The following ADGRL2 variants were observed in gnomAD, a reference collection of about 807,000 sequenced individuals.
ADGRL2 encodes the protein calcium-independent alpha-latrotoxin receptor 2.
Under a neutral mutation model 157.4 loss-of-function variants are expected in ADGRL2, and 44 were observed. The ratio of observed to expected loss-of-function variants is 0.28; its 90% CI spans 0.22 to 0.36. ADGRL2 has a LOEUF of 0.36. Among genes scored for constraint, ADGRL2 ranks in the 10% least tolerant of loss-of-function variants. ADGRL2 has a pLI of 1.00. For missense variants in ADGRL2, 1,510 were observed against 1,768.9 expected (o/e 0.85, Z 2.63); for synonymous variants, 585 against 624.7 (o/e 0.94, Z 0.95).
intron 2 of ADGRL2, among the ~76,000 whole-genome samples, chr1:81,459,345 C>T (rs2077873803): frequency 6.6e-6 from 1 of 152,124 alleles, no homozygotes; most frequent in Non-Finnish European, 1.5e-5. Context: ...TTCCTCCAAA[C>T]CCTGCCAACC....
intron 1 of ADGRL2, among the ~76,000 whole-genome samples, chr1:81,748,042 C>A (rs2085358135): frequency 6.6e-6 from 1 of 152,126 alleles, no homozygotes; most frequent in Admixed American, 6.6e-5. Context: ...GCTTACAAAT[C>A]TATCCTAGAA....
At position 81,432,012 on chromosome 1, in the gene ADGRL2, C is replaced by T. The variant is rs150956529; in HGVS notation, c.-301-13024C>T. ...TGTATTTACCACCCAAAAGTTATTG[C>T]TAATTTTTGTCTACCTCAGAAACAA... is the stretch of plus-strand genomic sequence containing the variant. On this transcript the variant is annotated intron_variant, in intron 1 of 24. Coordinates refer to the ADGRL2 transcript ENST00000370721. 2.4e-4 allele frequency among the ~76,000 whole-genome samples: 36 copies of T among 152,272 alleles called. No individual in the cohort carries two copies. The East Asian group carries it at 6.6e-3, about 28-fold the overall frequency.
intron 11 of ADGRL2, among the ~76,000 whole-genome samples, chr1:81,960,485 C>CT (rs998088320): frequency 6.9e-6 from 1 of 145,794 alleles, no homozygotes; most frequent in African/African-American, 2.5e-5. Context: ...TTTCTTTTTT[C>CT]TTTTTTTGAG....
chr1:81,413,420 A>G (rs2076981999), intron 1 of ADGRL2, among the ~76,000 whole-genome samples: 1 of 152,204 alleles, frequency 6.6e-6, no homozygotes, highest in Non-Finnish European at 1.5e-5. Context: ...ATTAATAACC[A>G]AAGTATCGTA....
At chr1:81,477,263 G>C (rs1411079262) in intron 2 of ADGRL2, among the ~76,000 whole-genome samples, 1 of 152,126 alleles carries the variant, frequency 6.6e-6, no homozygotes, top group Non-Finnish European at 1.5e-5. Context: ...TTGCCCAAAA[G>C]GCCAATAGGC....
At chr1:81,339,669 T>C (rs558040775) in intron 1 of ADGRL2, among the ~76,000 whole-genome samples, 1 of 152,306 alleles carries the variant, frequency 6.6e-6, no homozygotes, top group Admixed American at 6.5e-5. Context: ...CTTAGCCTTT[T>C]CAGTCTCTCA....
At position 81,589,739 on chromosome 1, in the gene ADGRL2, G is replaced by A. The variant is rs114000788; in HGVS notation, c.-143+8759G>A. ...TCTGTGCAATTTTCCTCAGGATGTG[G>A]TAACTGGTTTTGATTTACTAACTTG... On this transcript the variant is annotated intron_variant, in intron 3 of 24. Coordinates refer to the ADGRL2 transcript ENST00000370721. Among the ~76,000 whole-genome samples the A allele has an allele frequency of 2.5e-3, 380 of 152,178 alleles. 1 individual carries two copies. Among genetic ancestry groups the A allele is most frequent in the African/African-American group, 8.9e-3 (368 of 41,518 alleles).
At chr1:81,469,614 C>A (rs1369252763) in intron 2 of ADGRL2, among the ~76,000 whole-genome samples, 2 of 152,152 alleles carry the variant, frequency 1.3e-5, no homozygotes, top group Admixed American at 6.5e-5. Context: ...TTACCTATTT[C>A]TTTCCCTTTT....
chr1:81,982,163 TTTTGTATCTCAG>T (rs1285170867), intron 19 of ADGRL2, among the ~76,000 whole-genome samples, 187 bp downstream of exon 19: 1 of 151,988 alleles, frequency 6.6e-6, no homozygotes, highest in Non-Finnish European at 1.5e-5. Context: ...ACCAGTCATC[TTTTGTATCTCAG>T]TTTGGGAATG....
chr1:81,526,001 A>G (rs1429777766), intron 2 of ADGRL2, among the ~76,000 whole-genome samples: 1 of 152,216 alleles, frequency 6.6e-6, no homozygotes, highest in Non-Finnish European at 1.5e-5. Flanking sequence ...TGCACAACCC[A>G]TGACACCCAC....
intron 1 of ADGRL2, among the ~76,000 whole-genome samples, chr1:81,390,574 C>G (rs922960103): frequency 1.3e-5 from 2 of 151,588 alleles, no homozygotes; most frequent in Non-Finnish European, 3.0e-5. Flanking sequence ...AATGCCCTCC[C>G]TCCTATCATT....
intron 1 of ADGRL2, among the ~76,000 whole-genome samples, chr1:81,323,483 A>G (rs1660679005): frequency 7.1e-6 from 1 of 140,626 alleles, no homozygotes; most frequent in South Asian, 2.2e-4. Context: ...GAACTCCTGG[A>G]CTCAAACAAT....
chr1:81,967,563 TTTGA>T (rs1180253998), intron 13 of ADGRL2, among the ~76,000 whole-genome samples: 3 of 152,128 alleles, frequency 2.0e-5, no homozygotes, highest in South Asian at 2.1e-4. Flanking sequence ...GCCCGGCCTA[TTTGA>T]TTGACTCTTA....
At chr1:81,559,642 T>C (rs1052069397) in intron 2 of ADGRL2, among the ~76,000 whole-genome samples, 1 of 152,184 alleles carries the variant, frequency 6.6e-6, no homozygotes, top group African/African-American at 2.4e-5. Flanking sequence ...TCTAAGTTTA[T>C]GTAGAAAGGT....
chr1:81,621,048 C>A (rs2081778487), intron 3 of ADGRL2, among the ~76,000 whole-genome samples: 1 of 152,154 alleles, frequency 6.6e-6, no homozygotes, highest in Non-Finnish European at 1.5e-5. Context: ...GTCTTTTTCC[C>A]CCATATCATG....
intron 1 of ADGRL2, among the ~76,000 whole-genome samples, chr1:81,823,105 A>G (rs2091146455): frequency 6.6e-6 from 1 of 151,526 alleles, no homozygotes; most frequent in Non-Finnish European, 1.5e-5. Flanking sequence ...TCTATTTAGG[A>G]GGTCTCCGAG....
intron 3 of ADGRL2, among the ~76,000 whole-genome samples, chr1:81,659,193 G>A (rs2082601616): frequency 6.6e-6 from 1 of 150,752 alleles, no homozygotes; most frequent in Admixed American, 6.7e-5. Context: ...TCCCAAGTAA[G>A]TGGGATTACA....
chr1:81,553,063 G>A (rs2080189642), intron 2 of ADGRL2, among the ~76,000 whole-genome samples: 1 of 152,166 alleles, frequency 6.6e-6, no homozygotes, highest in South Asian at 2.1e-4. Flanking sequence ...ATATGTTAGT[G>A]TAGAGATGAC....
intron 2 of ADGRL2, among the ~76,000 whole-genome samples, chr1:81,849,397 A>G (rs1013839076): frequency 6.6e-6 from 1 of 151,934 alleles, no homozygotes; most frequent in African/African-American, 2.4e-5. Context: ...GCAGCTGACT[A>G]TTTGAATTAA....
Sources: gnomAD v4.1 joint callset for allele counts (sites outside exome capture counted in the v4.1 genomes callset) on GRCh38, gnomAD v4.1.1 for gene constraint, MANE v1.5 for transcripts, NCBI Gene and HGNC (gene_info 2026-07-23, HGNC 2026-07-21) for gene names.